MILR1: variants seen among roughly 807,000 people sequenced by gnomAD.
MILR1 encodes the protein mast cell immunoglobulin like receptor 1.
Under a neutral mutation model 18.5 loss-of-function variants are expected in MILR1, and 31 were observed. The observed-to-expected ratio is 1.68, with a 90% CI of 1.26 to 2.26. MILR1 has a LOEUF of 2.26. MILR1 is among the 30% of genes most tolerant of loss of function. The probability of loss-of-function intolerance (pLI) is 0.00; values close to 1 mark genes in which losing one functional copy is unlikely to be tolerated. For missense variants in MILR1, 257 were observed against 157.4 expected, an observed-to-expected ratio of 1.63 and a Z score of -3.38; for synonymous variants, 85 against 56.2, an observed-to-expected ratio of 1.51 and a Z score of -2.30.
the MILR1 span, chr17:64,490,755 A>T: frequency 6.7e-7 from 1 of 1,487,600 alleles, no homozygotes; most frequent in Non-Finnish European, 9.4e-7. Flanking sequence ...ATTATAGAGA[A>T]TCTGGGTAAA....
intron 5 of MILR1, among the ~76,000 whole-genome samples, chr17:64,464,984 A>G (rs2037519171): frequency 6.6e-6 from 1 of 152,176 alleles, no homozygotes; most frequent in Admixed American, 6.6e-5. Flanking sequence ...GCTACTCGGG[A>G]GGCTGAGGCA....
At chr17:64,456,733 T>G (rs1368841576) in intron 3 of MILR1, among the ~76,000 whole-genome samples, 4 of 152,134 alleles carry the variant, frequency 2.6e-5, no homozygotes, top group African/African-American at 9.7e-5. Flanking sequence ...GCCTGGGAGT[T>G]TGAGGTTACA....
intron 4 of MILR1, 149 bp from the exon 5 acceptor site, chr17:64,460,673 T>G: frequency 1.4e-5 from 5 of 367,796 alleles, no homozygotes; most frequent in Non-Finnish European, 1.5e-5. Context: ...ATAAGTCCCG[T>G]GAGTTTTAGA....
downstream of MILR1, chr17:64,468,749 C>A (rs797030609): frequency 4.2e-6 from 2 of 476,728 alleles, no homozygotes; most frequent in East Asian, 1.5e-4. Context: ...ATAATGTCAG[C>A]CACATGGGCA....
chr17:64,481,286 T>C, the MILR1 span: 4 of 985,252 alleles, frequency 4.1e-6, no homozygotes, highest in Non-Finnish European at 4.8e-6. Context: ...ATCTTCTCCT[T>C]CTTTGAGCTC....
chr17:64,457,685 G>GT lies in MILR1; in HGVS notation c.652+2dup, dbSNP rs2144033907. The GT allele has an allele frequency of 2.1e-6, 1 of 473,860 alleles. No individual in the cohort carries two copies. Among genetic ancestry groups the GT allele is most frequent in the East Asian group, 3.1e-5 (1 of 32,048 alleles). The allele number at this position is 473,860 out of a possible 1,614,324, so 29.4% of individuals were successfully genotyped here. On this transcript the variant is annotated splice_donor_variant, in intron 4 of 9. Coordinates refer to ENST00000619286, the MANE Select transcript of MILR1 (RefSeq NM_001085423.2). LOFTEE classifies it high-confidence loss of function. The stretch of plus-strand genomic sequence containing the variant: ...CACCCTGTCACCATGCCCTCAACAG[G>GT]TAAGAGCAACCTGAGTTCTTTCAGC...
the MILR1 span, among the ~76,000 whole-genome samples, chr17:64,491,132 A>AT: frequency 1.5e-4 from 23 of 151,638 alleles, no homozygotes; most frequent in East Asian, 3.7e-3. Context: ...TCTAATTTAC[A>AT]TTTTTTTTTG....
the MILR1 span, chr17:64,485,649 A>C: frequency 5.3e-6 from 6 of 1,129,624 alleles, no homozygotes; most frequent in Non-Finnish European, 8.1e-6. Flanking sequence ...TTATGTTAGA[A>C]ACCGAGCACA....
At chr17:64,490,147 T>A in the MILR1 span, among the ~76,000 whole-genome samples, 83 of 152,228 alleles carry the variant, frequency 5.5e-4, no homozygotes, top group Middle Eastern at 6.8e-3. Flanking sequence ...ATGGTCTCAA[T>A]CTCTTGACCT....
chr17:64,450,426 CT>C (rs1177338198), intron 2 of MILR1, among the ~76,000 whole-genome samples: 2 of 152,166 alleles, frequency 1.3e-5, no homozygotes, highest in Non-Finnish European at 2.9e-5. Flanking sequence ...TTCTTCTCCC[CT>C]TCCTATCCAG....
the MILR1 span, among the ~76,000 whole-genome samples, chr17:64,494,256 C>T: frequency 1.3e-5 from 2 of 152,090 alleles, no homozygotes; most frequent in African/African-American, 2.4e-5. Flanking sequence ...GATTTAATTT[C>T]GGCTAATCAT....
At chr17:64,482,254 C>T in the MILR1 span, among the ~76,000 whole-genome samples, 1 of 151,736 alleles carries the variant, frequency 6.6e-6, no homozygotes, top group Admixed American at 6.6e-5. Context: ...CAGGCACATA[C>T]CATTATGCTC....
chr17:64,459,890 G>A (rs939417319), intron 4 of MILR1, among the ~76,000 whole-genome samples: 4 of 152,098 alleles, frequency 2.6e-5, no homozygotes, highest in Non-Finnish European at 4.4e-5. Flanking sequence ...GCTGGTATTC[G>A]TCCTGTTAAA....
At chr17:64,475,712 C>T in the MILR1 span, among the ~76,000 whole-genome samples, 2 of 150,908 alleles carry the variant, frequency 1.3e-5, no homozygotes, top group African/African-American at 4.9e-5. Context: ...TAGAATATCA[C>T]CATTTTGCAA....
the MILR1 span, chr17:64,481,359 A>T: frequency 1.0e-6 from 1 of 985,182 alleles, no homozygotes; most frequent in Non-Finnish European, 1.2e-6. Flanking sequence ...GGGGACTCTC[A>T]AAGTCTTTAA....
At chr17:64,496,766 G>A in the MILR1 span, 6 of 1,613,882 alleles carry the variant, frequency 3.7e-6, no homozygotes, top group Admixed American at 5.0e-5. Flanking sequence ...CTCTAACAGC[G>A]CCTCGCTTCC....
the MILR1 span, chr17:64,485,780 G>C: frequency 6.2e-7 from 1 of 1,612,576 alleles, no homozygotes; most frequent in South Asian, 1.1e-5. Context: ...CAGCTGGAAA[G>C]AATCATAGAG....
chr17:64,488,850 C>T, the MILR1 span, among the ~76,000 whole-genome samples: 1 of 152,054 alleles, frequency 6.6e-6, no homozygotes, highest in Non-Finnish European at 1.5e-5. Context: ...CACCTATAGT[C>T]CTAGCTACTC....
chr17:64,470,997 T>C (rs2037680093), downstream of MILR1, among the ~76,000 whole-genome samples: 1 of 152,096 alleles, frequency 6.6e-6, no homozygotes, highest in African/African-American at 2.4e-5. Flanking sequence ...GCTGTGGCGT[T>C]CTAAGGGTTC....
Sources: gnomAD v4.1 joint callset for allele counts (sites outside exome capture counted in the v4.1 genomes callset) on GRCh38, gnomAD v4.1.1 for gene constraint, MANE v1.5 for transcripts, NCBI Gene and HGNC (gene_info 2026-07-23, HGNC 2026-07-21) for gene names.